GRM7: variants seen among roughly 807,000 people sequenced by gnomAD.
The protein encoded by GRM7 is glutamate metabotropic receptor 7.
In GRM7, 35 loss-of-function variants were observed where a neutral mutation model predicts 84.5. That is an observed-to-expected ratio of 0.41 (90% confidence interval 0.32 to 0.55). The LOEUF is 0.55. Ranked by LOEUF, GRM7 falls within the 20% of genes least tolerant of loss-of-function variation. The pLI, the probability that GRM7 is intolerant of heterozygous loss-of-function variation, is 0.19. For synonymous variants in GRM7, 487 were observed against 455.1 expected (o/e 1.07, Z -0.89); for missense variants, 1,003 against 1,194.6 (o/e 0.84, Z 2.36).
At chr3:7,309,902 G>T (rs1700331941) in intron 4 of GRM7, among the ~76,000 whole-genome samples, 1 of 152,172 alleles carries the variant, frequency 6.6e-6, no homozygotes, top group Non-Finnish European at 1.5e-5. Context: ...CACTCCTCCA[G>T]CTCCTGAGCC....
intron 8 of GRM7, among the ~76,000 whole-genome samples, chr3:7,654,918 A>G (rs1033499249): frequency 9.9e-5 from 15 of 152,202 alleles, no homozygotes; most frequent in African/African-American, 3.6e-4. Flanking sequence ...AAGACTGGAA[A>G]TTTACCCTTT....
At chr3:7,667,724 A>G (rs974925489) in intron 8 of GRM7, among the ~76,000 whole-genome samples, 2 of 152,090 alleles carry the variant, frequency 1.3e-5, no homozygotes, top group African/African-American at 4.8e-5. Flanking sequence ...TTTGTAGATC[A>G]CTTTTATACT....
At chr3:7,023,743 T>G (rs1695867057) in intron 1 of GRM7, among the ~76,000 whole-genome samples, 1 of 152,176 alleles carries the variant, frequency 6.6e-6, no homozygotes, top group Admixed American at 6.5e-5. Context: ...CCTGTGTCTC[T>G]CTAAAGACCC....
chr3:6,885,230 A>C (rs1695646364), intron 1 of GRM7, among the ~76,000 whole-genome samples: 2 of 152,338 alleles, frequency 1.3e-5, no homozygotes, highest in South Asian at 4.1e-4. Flanking sequence ...AGTAGCCTAC[A>C]GCAGCCGCAG....
At chr3:7,629,583 C>T (rs546700749) in intron 8 of GRM7, among the ~76,000 whole-genome samples, 20 of 152,226 alleles carry the variant, frequency 1.3e-4, no homozygotes, top group African/African-American at 4.8e-4. Context: ...TTCAAATATA[C>T]GTGCATTGGG....
At chr3:7,616,207 G>A (rs111924217) in intron 8 of GRM7, among the ~76,000 whole-genome samples, 2,600 of 152,016 alleles carry the variant, frequency 0.017, 25 homozygotes, top group Non-Finnish European at 0.027. Context: ...CTTTACTGCC[G>A]GCATCATTTC....
chr3:7,256,771 G>A (rs1698222425), intron 2 of GRM7, among the ~76,000 whole-genome samples: 1 of 152,080 alleles, frequency 6.6e-6, no homozygotes. Flanking sequence ...GTATATCCTG[G>A]GGGAATTTTA....
intron 1 of GRM7, among the ~76,000 whole-genome samples, chr3:7,100,784 T>G (rs58173812): frequency 0.036 from 5,524 of 151,914 alleles, 276 homozygotes; most frequent in African/African-American, 0.11. Context: ...TGTGTTTCCC[T>G]TCTGATCACC....
chr3:7,433,229 C>G (rs1203681889), intron 5 of GRM7, among the ~76,000 whole-genome samples: 1 of 152,124 alleles, frequency 6.6e-6, no homozygotes, highest in Non-Finnish European at 1.5e-5. Context: ...ATCAAGAAGT[C>G]TACATAAGCA....
intron 1 of GRM7, among the ~76,000 whole-genome samples, chr3:7,049,130 T>A (rs113539324): frequency 6.6e-6 from 1 of 152,150 alleles, no homozygotes; most frequent in South Asian, 2.1e-4. Flanking sequence ...CAAATGTTTA[T>A]TGAGAGTTCA....
At chr3:7,001,012 C>T (rs749800493) in intron 1 of GRM7, among the ~76,000 whole-genome samples, 5 of 152,196 alleles carry the variant, frequency 3.3e-5, no homozygotes, top group Non-Finnish European at 7.3e-5. Context: ...GAGGGTTACT[C>T]AGCAGTGTAA....
At chr3:7,064,610 C>T (rs760645671) in intron 1 of GRM7, among the ~76,000 whole-genome samples, 23 of 149,156 alleles carry the variant, frequency 1.5e-4, no homozygotes, top group Non-Finnish European at 3.0e-4. Flanking sequence ...TGGGCATTTG[C>T]GTTGGTTCCA....
intron 7 of GRM7, among the ~76,000 whole-genome samples, chr3:7,541,458 A>G (rs1231063483): frequency 6.6e-6 from 1 of 152,182 alleles, no homozygotes; most frequent in East Asian, 1.9e-4. Flanking sequence ...TGAATTATGT[A>G]CCAGGCACTA....
At chr3:7,094,780 A>G (rs946347025) in intron 1 of GRM7, among the ~76,000 whole-genome samples, 1 of 152,126 alleles carries the variant, frequency 6.6e-6, no homozygotes, top group Non-Finnish European at 1.5e-5. Context: ...AAATGTGTTC[A>G]ATAATTTTAG....
intron 2 of GRM7, among the ~76,000 whole-genome samples, chr3:7,193,795 A>G (rs1409731348): frequency 6.6e-6 from 1 of 152,126 alleles, no homozygotes; most frequent in East Asian, 1.9e-4. Flanking sequence ...CTCAAGCTAC[A>G]ACATATAGAA....
At chr3:7,496,596 G>A (rs1445575294) in intron 7 of GRM7, among the ~76,000 whole-genome samples, 4 of 152,034 alleles carry the variant, frequency 2.6e-5, no homozygotes, top group Non-Finnish European at 5.9e-5. Context: ...GCATTATTGG[G>A]ACAAATAAAA....
intron 2 of GRM7, among the ~76,000 whole-genome samples, chr3:7,237,735 G>T (rs1192677189): frequency 6.6e-6 from 1 of 152,182 alleles, no homozygotes; most frequent in Non-Finnish European, 1.5e-5. Flanking sequence ...CGTGGAAGTG[G>T]ACCCGAGTGG....
At chr3:6,946,015 T>C (rs927007033) in intron 1 of GRM7, among the ~76,000 whole-genome samples, 2 of 152,242 alleles carry the variant, frequency 1.3e-5, no homozygotes, top group African/African-American at 4.8e-5. Context: ...AGGTTGCCTG[T>C]TCACTATGAC....
Position 7,287,707 on chromosome 3 carries a change from C to A in GRM7, c.737-10977C>A, listed in dbSNP as rs1401714217. 2.0e-5 allele frequency among the ~76,000 whole-genome samples: 3 copies of A among 151,768 alleles called. No homozygotes were observed. In the East Asian group the frequency reaches 5.8e-4, roughly 29 times the overall value. ...CTTATTTGCGTTGGGACATACATAC[C>A]GATAAATAGCAAGGTTTCCTTAACA... On this transcript the variant is annotated intron_variant, in intron 2 of 9. Coordinates refer to ENST00000357716, the MANE Select transcript of GRM7 (RefSeq NM_000844.4).
Sources: allele counts gnomAD v4.1 joint callset (sites outside exome capture counted in the v4.1 genomes callset), GRCh38; gene constraint gnomAD v4.1.1; transcripts MANE v1.5; gene names NCBI Gene and HGNC (gene_info 2026-07-23, HGNC 2026-07-21).